WARS2: variants seen among roughly 807,000 people sequenced by gnomAD.
WARS2 encodes the protein tryptophan--tRNA ligase, mitochondrial.
WARS2 carries 28 observed loss-of-function variants against 36.5 expected under a neutral mutation model. The observed-to-expected ratio is 0.77, with a 90% CI of 0.57 to 1.05. The LOEUF is 1.05. Among genes scored for constraint, WARS2 ranks in the 50% least tolerant of loss-of-function variants. The pLI, the probability that WARS2 is intolerant of heterozygous loss-of-function variation, is 0.00. For missense variants in WARS2, 435 were observed against 456.8 expected (o/e 0.95, Z 0.44); for synonymous variants, 174 against 178.4 (o/e 0.98, Z 0.20).
intron 1 of WARS2, among the ~76,000 whole-genome samples, chr1:119,114,638 C>G (rs587597210): frequency 2.4e-4 from 37 of 152,262 alleles, no homozygotes; most frequent in Non-Finnish European, 4.1e-4. Context: ...TCCTAGTAAT[C>G]AGAGTATAGT....
intron 1 of WARS2, among the ~76,000 whole-genome samples, chr1:119,098,337 C>T (rs1653599281): frequency 6.6e-6 from 1 of 152,224 alleles, no homozygotes; most frequent in East Asian, 1.9e-4. Flanking sequence ...ACCTCATAAA[C>T]TCTTTATAAA....
intron 2 of WARS2, among the ~76,000 whole-genome samples, chr1:119,060,901 A>G (rs1650319620): frequency 6.6e-6 from 1 of 152,172 alleles, no homozygotes; most frequent in South Asian, 2.1e-4. Flanking sequence ...GTATAGCCTT[A>G]TATTCTATGT....
chr1:119,138,080 T>C (rs1656639722), intron 1 of WARS2, among the ~76,000 whole-genome samples: 1 of 152,204 alleles, frequency 6.6e-6, no homozygotes, highest in Non-Finnish European at 1.5e-5. Flanking sequence ...TGGTTTTTGA[T>C]GGAACCATTC....
In WARS2 at chr1:119,042,352, G is replaced by T. The variant is rs376622172; in HGVS notation, c.430-3C>A. On this transcript the variant is annotated splice_polypyrimidine_tract_variant and splice_region_variant and intron_variant, in intron 3 of 5. Transcript: ENST00000235521. Reference sequence around the variant, plus strand: ...TGCTTCTGCTTGGTAGTCTTTGCCTGTGAGAGGTGAAAAGAGAGGAGGGGA... The same window carrying T: ...TGCTTCTGCTTGGTAGTCTTTGCCTTTGAGAGGTGAAAAGAGAGGAGGGGA... 2 of 1,613,420 alleles carry T rather than the reference G, an allele frequency of 1.2e-6. No individual in the cohort carries two copies. Among genetic ancestry groups the T allele is most frequent in the Non-Finnish European group, 1.7e-6 (2 of 1,179,602 alleles).
intron 2 of WARS2, among the ~76,000 whole-genome samples, chr1:119,059,993 T>G (rs1188155664): frequency 6.6e-6 from 1 of 152,172 alleles, no homozygotes; most frequent in South Asian, 2.1e-4. Flanking sequence ...GATACTAGAC[T>G]TAATACCTGG....
chr1:119,054,889 G>A (rs1649645190), intron 2 of WARS2, among the ~76,000 whole-genome samples: 1 of 152,184 alleles, frequency 6.6e-6, no homozygotes, highest in South Asian at 2.1e-4. Flanking sequence ...GGAGTTGCCA[G>A]GAACTGTGGG....
At chr1:119,053,198 T>C (rs556389229) in intron 2 of WARS2, among the ~76,000 whole-genome samples, 78 of 151,736 alleles carry the variant, frequency 5.1e-4, no homozygotes, top group Non-Finnish European at 5.7e-4. Context: ...TTCATAAGAG[T>C]AATCAAATTT....
At chr1:119,140,665 C>G (rs1165967692), upstream of WARS2, 1 of 1,606,334 alleles carries the variant, frequency 6.2e-7, no homozygotes, top group South Asian at 1.1e-5. Context: ...GCGGAGCCGT[C>G]TTGTTTGGAA....
chr1:119,132,851 G>C (rs1175969533), intron 1 of WARS2, among the ~76,000 whole-genome samples: 2 of 152,026 alleles, frequency 1.3e-5, no homozygotes, highest in African/African-American at 4.8e-5. Flanking sequence ...ATGAATTATA[G>C]ACCTCTTTAA....
intron 1 of WARS2, among the ~76,000 whole-genome samples, chr1:119,132,580 C>T (rs2101573495): frequency 6.6e-6 from 1 of 152,294 alleles, no homozygotes; most frequent in Admixed American, 6.5e-5. Flanking sequence ...GAGTAAACAG[C>T]TCCATTTCCC....
At chr1:119,111,651 A>T (rs1310917573) in intron 1 of WARS2, among the ~76,000 whole-genome samples, 1 of 152,170 alleles carries the variant, frequency 6.6e-6, no homozygotes, top group Admixed American at 6.5e-5. Context: ...ATTCACAAAA[A>T]TGTAGGCTTC....
Position 119,033,326 on chromosome 1 carries a change from G to A in WARS2, c.668C>T (p.Pro223Leu), listed in dbSNP as rs768514641. 4 of 1,614,196 alleles carry A rather than the reference G, an allele frequency of 2.5e-6. No individual in the cohort carries two copies. Among genetic ancestry groups the A allele is most frequent in the Non-Finnish European group, 2.5e-6 (3 of 1,180,034 alleles). Residue 223 changes from proline to leucine, a missense_variant, in exon 6 of 6, where the codon CCT (proline) becomes CTT (leucine). Transcript: ENST00000235521. ...SMKKVKSLRD[P>L]SAKMSKSDPD... ...GTCTGATTTCGACATTTTGGCAGAA[G>A]GATCACGTAGGGATTTTACCTTCTT...
At chr1:119,051,762 A>ATTTTTTTTTTTTTTTTTTTTTTTTTTT (rs527937756) in intron 2 of WARS2, among the ~76,000 whole-genome samples, 2 of 114,314 alleles carry the variant, frequency 1.7e-5, no homozygotes, top group Non-Finnish European at 3.5e-5. Context: ...TCTCGCTGTA[A>ATTTTTTTTTTTTTTTTTTTTTTTTTTT]TTTTTTTTTT....
intron 2 of WARS2, among the ~76,000 whole-genome samples, chr1:119,062,644 T>A (rs1049088721): frequency 5.3e-5 from 8 of 152,124 alleles, no homozygotes; most frequent in Non-Finnish European, 8.8e-5. Context: ...GGTAATTGAG[T>A]CATGGGGACC....
At chr1:119,139,862 T>G (rs768326144) in intron 1 of WARS2, 4 of 152,132 alleles carry the variant, frequency 2.6e-5, no homozygotes, top group Non-Finnish European at 5.9e-5. Context: ...TTTTTTGCTA[T>G]GAGGGTAAAA....
At chr1:119,109,309 G>A (rs1654462052) in intron 1 of WARS2, among the ~76,000 whole-genome samples, 2 of 151,962 alleles carry the variant, frequency 1.3e-5, no homozygotes, top group Admixed American at 6.5e-5. Flanking sequence ...AACTATAAGA[G>A]TGCATTCATC....
At position 119,134,361 on chromosome 1, in the gene WARS2, CAGTTCTTT is replaced by C. The variant is rs1212610765; in HGVS notation, c.90+6186_90+6193del. Among the ~76,000 whole-genome samples the C allele has an allele frequency of 6.5e-5, 4 of 61,840 alleles. No individual in the cohort carries two copies. The East Asian group carries it at 2.6e-3, about 40-fold the overall frequency. 40.6% of individuals were successfully genotyped at this position (61,840 alleles called of 152,430 possible). A position where few individuals can be genotyped will look rare whatever the true frequency, so the allele number is the denominator to read the frequency against. The stretch of plus-strand genomic sequence containing the variant: ...AAAAAACAAAGACAAAAACAAAAAA[CAGTTCTTT>C]AGTCAACCAGAAGTCGGTTCAATTA... On this transcript the variant is annotated intron_variant, in intron 1 of 5. Transcript: ENST00000235521.
At chr1:119,075,691 T>C (rs1651674871) in intron 2 of WARS2, among the ~76,000 whole-genome samples, 1 of 152,206 alleles carries the variant, frequency 6.6e-6, no homozygotes, top group Non-Finnish European at 1.5e-5. Context: ...AGAATTTTCA[T>C]CTTTTTCTAG....
chr1:119,033,017 A>G lies in WARS2; in HGVS notation c.977T>C (p.Leu326Pro), dbSNP rs777256506. The part of the protein sequence containing the change: ...PIKREIEKLK[L>P]DKDHLEKVLQ... ...AACCTTCTCTAAATGGTCCTTGTCC[A>G]GCTTCAGTTTTTCAATTTCACGCTT... The change falls in exon 6 of 6, where the codon CTG (leucine) becomes CCG (proline). Residue 326 changes from leucine (L) to proline (P), a missense_variant. Coordinates refer to ENST00000235521, the MANE Select transcript of WARS2 (RefSeq NM_015836.4). The G allele has an allele frequency of 1.2e-6, 2 of 1,614,180 alleles. No individual in the cohort carries two copies. The highest frequency in any genetic ancestry group is 1.7e-6 in the Non-Finnish European group (2 of 1,180,030).
Sources: gnomAD v4.1 joint callset for allele counts (sites outside exome capture counted in the v4.1 genomes callset) on GRCh38, gnomAD v4.1.1 for gene constraint, MANE v1.5 for transcripts, NCBI Gene and HGNC (gene_info 2026-07-23, HGNC 2026-07-21) for gene names.